Variants in ZNF644 observed in about 807,000 individuals in gnomAD.
ZNF644 encodes the protein zinc finger motif enhancer binding protein 2.
A neutral mutation model predicts 108.0 loss-of-function variants in ZNF644; 20 were observed. The observed-to-expected ratio is 0.19, with a 90% CI of 0.13 to 0.27. The LOEUF (loss-of-function observed/expected upper bound fraction) is 0.27, where lower values mean the gene tolerates loss of function less well. Ranked by LOEUF, ZNF644 falls within the 10% of genes least tolerant of loss-of-function variation. The probability of loss-of-function intolerance (pLI) is 1.00; values close to 1 mark genes in which losing one functional copy is unlikely to be tolerated. For synonymous variants in ZNF644, 542 were observed against 539.1 expected (o/e 1.01, Z -0.08); for missense variants, 1,338 against 1,548.9 (o/e 0.86, Z 2.29).
At chr1:90,970,727 C>G (rs12730077) in intron 2 of ZNF644, among the ~76,000 whole-genome samples, 2,681 of 152,044 alleles carry the variant, frequency 0.018, 33 homozygotes, top group Middle Eastern at 0.068. Flanking sequence ...AACCAAATAC[C>G]AGGGTATATA....
At position 90,969,746 on chromosome 1, in the gene ZNF644, G is replaced by GT. The variant is rs77679190; in HGVS notation, c.44+12563dup. 1.4e-3 allele frequency among the ~76,000 whole-genome samples: 206 copies of GT among 152,096 alleles called. 3 individuals carry two copies. In the East Asian group the frequency reaches 0.033, roughly 24 times the overall value. ...TTATTATTGTTTTAAATCTCTCATT[G>GT]TGTCTAATTTATAAATTAAACTTTA... On this transcript the variant is annotated intron_variant, in intron 2 of 5. Transcript: ENST00000337393.
chr1:90,943,936 G>A (rs184118272), intron 2 of ZNF644, among the ~76,000 whole-genome samples: 16 of 152,230 alleles, frequency 1.1e-4, no homozygotes, highest in African/African-American at 3.1e-4. Flanking sequence ...TGAAACGAAC[G>A]ACAAAAAACT....
intron 2 of ZNF644, among the ~76,000 whole-genome samples, chr1:90,970,719 C>T (rs1433097141): frequency 6.6e-6 from 1 of 151,904 alleles, no homozygotes; most frequent in Non-Finnish European, 1.5e-5. Context: ...GCATATACAA[C>T]CAAATACCAG....
intron 2 of ZNF644, among the ~76,000 whole-genome samples, chr1:90,963,686 G>A (rs1469966053): frequency 1.3e-5 from 2 of 151,980 alleles, no homozygotes; most frequent in African/African-American, 2.4e-5. Context: ...TAATACTTCT[G>A]TATATTTCTG....
intron 1 of ZNF644, among the ~76,000 whole-genome samples, chr1:91,001,368 AG>A (rs1273701786): frequency 6.6e-6 from 1 of 152,208 alleles, no homozygotes; most frequent in African/African-American, 2.4e-5. Flanking sequence ...CTGGGATGCA[AG>A]GCTGGTTCAA....
chr1:90,983,558 G>A (rs1015494976), intron 1 of ZNF644, among the ~76,000 whole-genome samples: 9 of 151,156 alleles, frequency 6.0e-5, no homozygotes, highest in Non-Finnish European at 8.8e-5. Context: ...GGATTATTCC[G>A]AATTATCTGG....
chr1:90,938,980 G>A lies in ZNF644; in HGVS notation c.2374C>T (p.Pro792Ser). 1 of 1,613,988 alleles carries A rather than the reference G, an allele frequency of 6.2e-7. No homozygotes were observed. Among genetic ancestry groups the A allele is most frequent in the Non-Finnish European group, 8.5e-7 (1 of 1,179,932 alleles). Residue 792 changes from proline to serine, a missense_variant, in exon 3 of 6, where the codon CCT (proline) becomes TCT (serine). By Grantham distance (74) the Pro-to-Ser change is moderately conservative (BLOSUM62 -1). Transcript: ENST00000337393. This position sits in a 1 kb window ranked among gnomAD's most constrained non-coding sequence, Gnocchi z 4.2. ...HNNFISDPHK[P>S]DAKRPESFKD... ...AAGCTTTCAGGCCTTTTGGCGTCAGGCTTATGAGGGTCTGAAATAAAATTG... is the reference window on the plus strand; with the variant it reads ...AAGCTTTCAGGCCTTTTGGCGTCAGACTTATGAGGGTCTGAAATAAAATTG...
intron 2 of ZNF644, among the ~76,000 whole-genome samples, chr1:90,979,878 T>A (rs1294136179): frequency 6.6e-6 from 1 of 152,236 alleles, no homozygotes; most frequent in Non-Finnish European, 1.5e-5. Flanking sequence ...TTACTTTAGG[T>A]CTGAATTAAG....
chr1:90,994,900 G>A lies in ZNF644; in HGVS notation c.-17-12530C>T, dbSNP rs111280284. ...AAGCTAGAAGAAAACAGAGATGGCC[G>A]TGGCTGCATACATCAGGGGAGACCA... On this transcript the variant is annotated intron_variant, in intron 1 of 5. Coordinates refer to ENST00000337393, the MANE Select transcript of ZNF644 (RefSeq NM_201269.3). Among the ~76,000 whole-genome samples, 226 of 152,208 alleles carry A rather than the reference G, an allele frequency of 1.5e-3. 2 individuals are homozygous for A. Among genetic ancestry groups the A allele is most frequent in the South Asian group, 4.2e-3 (20 of 4,804 alleles).
chr1:90,916,742 A>G lies in ZNF644; in HGVS notation c.*56T>C. The G allele has an allele frequency of 6.3e-7, 1 of 1,595,374 alleles. No individual in the cohort carries two copies. The highest frequency in any genetic ancestry group is 2.2e-5 in the East Asian group (1 of 44,790). On this transcript the variant is annotated 3_prime_UTR_variant, in exon 6 of 6. Transcript: ENST00000337393. ...AGATAATTTAATGTGGCTTAAAAAA[A>G]AAGAATTTCAAATTTACATCCAATT...
intron 1 of ZNF644, among the ~76,000 whole-genome samples, chr1:91,014,807 C>T (rs1034819263): frequency 2.6e-5 from 4 of 152,076 alleles, no homozygotes; most frequent in Non-Finnish European, 2.9e-5. Context: ...ATGAAACTTA[C>T]AAATTGTGTA....
intron 4 of ZNF644, among the ~76,000 whole-genome samples, chr1:90,931,428 T>G (rs1367129291): frequency 6.6e-6 from 1 of 151,128 alleles, no homozygotes; most frequent in Non-Finnish European, 1.5e-5. Context: ...AATAAACTCT[T>G]GAATAAGAAG....
chr1:90,997,618 T>C (rs984292022), intron 1 of ZNF644, among the ~76,000 whole-genome samples: 3 of 151,880 alleles, frequency 2.0e-5, no homozygotes, highest in Non-Finnish European at 4.4e-5. Context: ...AGTCTACAGC[T>C]CCCAGTGTGA....
At chr1:91,014,454 G>A (rs1660255703) in intron 1 of ZNF644, among the ~76,000 whole-genome samples, 1 of 152,002 alleles carries the variant, frequency 6.6e-6, no homozygotes, top group Non-Finnish European at 1.5e-5. Flanking sequence ...TTAAAAAAAA[G>A]TTGTTTTCAG....
At chr1:90,994,872 G>A (rs2101618273) in intron 1 of ZNF644, among the ~76,000 whole-genome samples, 1 of 152,258 alleles carries the variant, frequency 6.6e-6, no homozygotes, top group South Asian at 2.1e-4. Flanking sequence ...AAGCAGCAAT[G>A]GAAAGCTAGA....
chr1:91,009,102 G>A (rs1331470229), intron 1 of ZNF644, among the ~76,000 whole-genome samples: 3 of 151,820 alleles, frequency 2.0e-5, no homozygotes, highest in Admixed American at 6.6e-5. Context: ...AGAAAAGAAC[G>A]GCTTATGAGA....
Position 90,937,631 on chromosome 1 carries a change from C to T in ZNF644, c.3542G>A (p.Gly1181Glu). ...LIELLKNKRM[G>E]EERNSAISPQ... ...AGAAATAGCAGAATTCCTTTCTTCT[C>T]CCATCCTTTTATTTTTAAGAAGTTC... Residue 1181 changes from glycine (G) to glutamate (E), a missense_variant, in exon 4 of 6, where the codon GGA becomes GAA. Physicochemically the swap from Gly to Glu is moderately conservative, Grantham distance 98 (BLOSUM62 -2). This residue lies in a region of ZNF644 where 287 missense variants were observed against 310.9 expected (regional missense o/e 0.92). Coordinates refer to ENST00000337393, the MANE Select transcript of ZNF644 (RefSeq NM_201269.3). 6.2e-7 allele frequency: 1 copy of T among 1,613,862 alleles called. No individual in the cohort carries two copies. The highest frequency in any genetic ancestry group is 8.5e-7 in the Non-Finnish European group (1 of 1,179,864).
At chr1:90,930,287 A>C (rs540250198) in intron 4 of ZNF644, among the ~76,000 whole-genome samples, 1 of 151,940 alleles carries the variant, frequency 6.6e-6, no homozygotes, top group Non-Finnish European at 1.5e-5. Flanking sequence ...ACTCCGTCTC[A>C]CACACACACA....
At chr1:90,970,998 CAAAAAA>C (rs61253802) in intron 2 of ZNF644, among the ~76,000 whole-genome samples, 2 of 92,858 alleles carry the variant, frequency 2.2e-5, no homozygotes, top group Non-Finnish European at 4.0e-5. Flanking sequence ...GACTCCATTT[CAAAAAA>C]AAAAAAAAAA....
Sources: gnomAD v4.1 joint callset for allele counts (sites outside exome capture counted in the v4.1 genomes callset) on GRCh38, gnomAD v4.1.1 for gene constraint, gnomAD v4.1.1 regional missense constraint, Gnocchi (gnomAD v3.1) non-coding constraint, MANE v1.5 for transcripts, NCBI Gene and HGNC (gene_info 2026-07-23, HGNC 2026-07-21) for gene names.